ADAM12: variants seen among roughly 807,000 people sequenced by gnomAD.
ADAM12 encodes the protein ADAM metallopeptidase domain 12, also known as disintegrin and metalloproteinase domain-containing protein 12.
A neutral mutation model predicts 106.4 loss-of-function variants in ADAM12; 70 were observed. The observed-to-expected ratio is 0.66, with a 90% confidence interval of 0.54 to 0.80. The LOEUF is 0.80. Among genes scored for constraint, ADAM12 ranks in the 30% least tolerant of loss-of-function variants. ADAM12 has a pLI of 0.00. For missense variants in ADAM12, 1,010 were observed against 1,171.9 expected (o/e 0.86, Z 2.02); for synonymous variants, 420 against 433.5 (o/e 0.97, Z 0.39).
chr10:126,374,598 T>C (rs1856214701), intron 1 of ADAM12, among the ~76,000 whole-genome samples: 1 of 152,084 alleles, frequency 6.6e-6, no homozygotes. Context: ...TTAAACAGCA[T>C]TTAGACACAG....
intron 3 of ADAM12, among the ~76,000 whole-genome samples, chr10:126,164,035 T>C (rs1956982526): frequency 6.6e-6 from 1 of 152,210 alleles, no homozygotes; most frequent in African/African-American, 2.4e-5. Context: ...TTTCAAGAAT[T>C]CTGAATGTTC....
chr10:126,251,332 G>A (rs191267160), intron 3 of ADAM12, among the ~76,000 whole-genome samples: 7 of 152,334 alleles, frequency 4.6e-5, no homozygotes, highest in African/African-American at 1.7e-4. Flanking sequence ...TCCAGAGAGT[G>A]GGTAGCATGT....
At chr10:126,070,969 C>T (rs1029427388) in intron 12 of ADAM12, among the ~76,000 whole-genome samples, 7 of 152,192 alleles carry the variant, frequency 4.6e-5, no homozygotes, top group Non-Finnish European at 8.8e-5. Context: ...CTTATTGCTT[C>T]TGAAAGCTAC....
At chr10:126,241,623 C>T (rs1958525801) in intron 3 of ADAM12, among the ~76,000 whole-genome samples, 2 of 152,290 alleles carry the variant, frequency 1.3e-5, no homozygotes, top group African/African-American at 2.4e-5. Flanking sequence ...GTGTTTAAGG[C>T]CAGGGCAAAC....
intron 6 of ADAM12, among the ~76,000 whole-genome samples, chr10:126,116,483 G>A (rs1955985541): frequency 6.6e-6 from 1 of 151,972 alleles, no homozygotes; most frequent in Non-Finnish European, 1.5e-5. Flanking sequence ...AGAAGCACAA[G>A]TTGAAAAGTC....
intron 1 of ADAM12, among the ~76,000 whole-genome samples, chr10:126,378,821 G>C (rs372675270): frequency 6.6e-6 from 1 of 152,150 alleles, no homozygotes. Context: ...TTTTAGAAAT[G>C]AATGATGGGG....
At chr10:126,152,889 T>A (rs192184954) in intron 4 of ADAM12, among the ~76,000 whole-genome samples, 2 of 152,326 alleles carry the variant, frequency 1.3e-5, no homozygotes, top group Admixed American at 1.3e-4. Context: ...TATTCTCCAG[T>A]ACAATACAAA....
At chr10:126,197,207 G>A (rs1021664401) in intron 3 of ADAM12, among the ~76,000 whole-genome samples, 1 of 152,212 alleles carries the variant, frequency 6.6e-6, no homozygotes, top group Admixed American at 6.5e-5. Context: ...GCAAAGATGA[G>A]CTGGTTGGAA....
At chr10:126,034,940 C>T (rs1954032159) in intron 21 of ADAM12, among the ~76,000 whole-genome samples, 1 of 152,100 alleles carries the variant, frequency 6.6e-6, no homozygotes, top group South Asian at 2.1e-4. Context: ...GGTCACTTTA[C>T]TAAGATGACA....
intron 3 of ADAM12, among the ~76,000 whole-genome samples, chr10:126,220,807 GAC>G (rs1252492067): frequency 6.6e-6 from 1 of 152,226 alleles, no homozygotes; most frequent in Non-Finnish European, 1.5e-5. Flanking sequence ...GCTCCTCCCA[GAC>G]ACAAATCTGG....
chr10:126,386,674 C>CA lies in ADAM12; in HGVS notation c.88+1383dup, dbSNP rs201514340. 3.6e-3 allele frequency among the ~76,000 whole-genome samples: 533 copies of CA among 149,832 alleles called. 8 individuals carry two copies. Among genetic ancestry groups the CA allele is most frequent in the African/African-American group, 0.012 (495 of 40,942 alleles). Reference sequence around the variant, plus strand: ...GCTGGATTTAATAAACATTTTCTTCCAAAAAAAAAATTTGTCCCTGCTCAG... The same window carrying CA: ...GCTGGATTTAATAAACATTTTCTTCCAAAAAAAAAAATTTGTCCCTGCTCAG... On this transcript the variant is annotated intron_variant, in intron 1 of 22. Transcript: ENST00000448723.
At chr10:126,086,813 C>T (rs1276261313) in intron 11 of ADAM12, among the ~76,000 whole-genome samples, 1 of 148,808 alleles carries the variant, frequency 6.7e-6, no homozygotes, top group Non-Finnish European at 1.5e-5. Context: ...GCTCACAGAT[C>T]ACTTGAGGTC....
At chr10:126,037,177 T>C (rs986454557) in intron 20 of ADAM12, among the ~76,000 whole-genome samples, 1 of 152,206 alleles carries the variant, frequency 6.6e-6, no homozygotes, top group Non-Finnish European at 1.5e-5. Flanking sequence ...CAATGTTGTA[T>C]ACATCAATGG....
intron 11 of ADAM12, among the ~76,000 whole-genome samples, chr10:126,078,532 G>A (rs183607778): frequency 1.3e-5 from 2 of 152,138 alleles, no homozygotes; most frequent in African/African-American, 4.8e-5. Flanking sequence ...AGGCTGTGTT[G>A]TAAGTTCTCG....
intron 1 of ADAM12, among the ~76,000 whole-genome samples, chr10:126,385,968 G>C (rs1856646662): frequency 1.3e-5 from 2 of 152,178 alleles, no homozygotes; most frequent in African/African-American, 2.4e-5. Context: ...AGAGGGATAA[G>C]AGGCTTCTGC....
Position 126,283,675 on chromosome 10 carries a change from A to C in ADAM12, c.187-4687T>G, listed in dbSNP as rs4962334. 8.8e-3 allele frequency among the ~76,000 whole-genome samples: 1,341 copies of C among 151,960 alleles called. 27 individuals carry two copies. In the East Asian group the frequency reaches 0.11, roughly 13 times the overall value. On this transcript the variant is annotated intron_variant, in intron 2 of 22. Coordinates refer to ENST00000448723, the MANE Select transcript of ADAM12 (RefSeq NM_001288973.2). ...TTCTTCCTCCTCCCTTTCTCTTGTC[A>C]TTGTGAATTTGTAGTTATTTCTACA...
intron 3 of ADAM12, among the ~76,000 whole-genome samples, chr10:126,168,827 C>T (rs574719488): frequency 2.6e-5 from 4 of 151,956 alleles, no homozygotes; most frequent in Admixed American, 6.6e-5. Context: ...CTGAGGCGGG[C>T]GGATCACTTG....
intron 5 of ADAM12, among the ~76,000 whole-genome samples, chr10:126,120,868 T>C (rs1956071660): frequency 7.0e-6 from 1 of 142,676 alleles, no homozygotes; most frequent in Non-Finnish European, 1.5e-5. Context: ...TTAGTTCTAA[T>C]ATATAATAAT....
At chr10:126,101,302 G>A (rs1280132456) in intron 8 of ADAM12, 61 bp from the exon 9 acceptor site, 1 of 1,548,102 alleles carries the variant, frequency 6.5e-7, no homozygotes, top group Non-Finnish European at 8.9e-7. Context: ...AACTCGAAAT[G>A]AAAATTAGAA....
Sources: gnomAD v4.1 joint callset for allele counts (sites outside exome capture counted in the v4.1 genomes callset) on GRCh38, gnomAD v4.1.1 for gene constraint, MANE v1.5 for transcripts, NCBI Gene and HGNC (gene_info 2026-07-23, HGNC 2026-07-21) for gene names.